The following UNC13C variants were observed in gnomAD, a reference collection of about 807,000 sequenced individuals.
UNC13C encodes unc-13 homolog C.
UNC13C carries 174 observed loss-of-function variants against 245.4 expected under a neutral mutation model. The observed-to-expected ratio is 0.71, with a 90% CI of 0.63 to 0.80. The LOEUF (loss-of-function observed/expected upper bound fraction) is 0.80. Among genes scored for constraint, UNC13C ranks in the 30% least tolerant of loss-of-function variants. The probability of loss-of-function intolerance (pLI) is 0.00; values close to 1 mark genes in which losing one functional copy is unlikely to be tolerated. For missense variants in UNC13C, 2,829 were observed against 2,602.9 expected, an observed-to-expected ratio of 1.09 and a Z score of -1.89; for synonymous variants, 992 against 895.1, an observed-to-expected ratio of 1.11 and a Z score of -1.93.
chr15:54,166,993 A>G (rs2033184107), intron 4 of UNC13C, among the ~76,000 whole-genome samples: 1 of 152,206 alleles, frequency 6.6e-6, no homozygotes, highest in Admixed American at 6.5e-5. Flanking sequence ...TAAAATTTAC[A>G]TGGAAATATA....
At chr15:54,244,079 T>G (rs1470205100) in intron 7 of UNC13C, among the ~76,000 whole-genome samples, 2 of 152,200 alleles carry the variant, frequency 1.3e-5, no homozygotes, top group African/African-American at 4.8e-5. Context: ...TGGTACTGCC[T>G]AGATTTTCTT....
intron 2 of UNC13C, among the ~76,000 whole-genome samples, chr15:54,139,706 G>T (rs1483464244): frequency 6.6e-6 from 1 of 151,820 alleles, no homozygotes; most frequent in African/African-American, 2.4e-5. Flanking sequence ...TAATTTGTAT[G>T]CATATTTACC....
At chr15:54,178,245 G>A (rs1025521012) in intron 4 of UNC13C, among the ~76,000 whole-genome samples, 1 of 152,056 alleles carries the variant, frequency 6.6e-6, no homozygotes, top group African/African-American at 2.4e-5. Context: ...TTGAAGTGGG[G>A]TGTAGGGAAC....
At chr15:54,368,159 A>G (rs1459079932) in intron 17 of UNC13C, among the ~76,000 whole-genome samples, 2 of 152,034 alleles carry the variant, frequency 1.3e-5, no homozygotes, top group Admixed American at 6.6e-5. Context: ...GTTTCTTACT[A>G]TTGACACTTT....
chr15:54,098,079 G>T (rs892970725), intron 2 of UNC13C, among the ~76,000 whole-genome samples: 1 of 152,226 alleles, frequency 6.6e-6, no homozygotes, highest in African/African-American at 2.4e-5. Context: ...AGTAGTCTCA[G>T]CTGGACAGAG....
chr15:53,918,792 C>T, the UNC13C span, among the ~76,000 whole-genome samples: 1 of 152,192 alleles, frequency 6.6e-6, no homozygotes, highest in Non-Finnish European at 1.5e-5. Flanking sequence ...GAGAGCCTCT[C>T]TCCCCCACAC....
intron 17 of UNC13C, among the ~76,000 whole-genome samples, chr15:54,389,204 A>C (rs117857912): frequency 0.054 from 8,261 of 152,288 alleles, 303 homozygotes; most frequent in Admixed American, 0.11. Flanking sequence ...AGATGGGGGA[A>C]CAGGAAGGGA....
intron 8 of UNC13C, among the ~76,000 whole-genome samples, 177 bp from the exon 9 acceptor site, chr15:54,263,991 C>T (rs74013568): frequency 0.025 from 3,814 of 152,068 alleles, 156 homozygotes; most frequent in African/African-American, 0.088. Context: ...CAAAGGAGTA[C>T]TAGTTGTTGT....
intron 18 of UNC13C, among the ~76,000 whole-genome samples, chr15:54,405,514 A>T (rs1034733663): frequency 1.2e-4 from 18 of 152,172 alleles, no homozygotes; most frequent in African/African-American, 4.3e-4. Flanking sequence ...CTGGGACTAC[A>T]GCATAGAAAA....
chr15:54,423,027 A>G (rs2040683971), intron 19 of UNC13C, among the ~76,000 whole-genome samples: 1 of 151,850 alleles, frequency 6.6e-6, no homozygotes, highest in African/African-American at 2.4e-5. Context: ...TGATAAAGAT[A>G]ACAAATTCTG....
intron 17 of UNC13C, among the ~76,000 whole-genome samples, chr15:54,366,306 G>A (rs1243034110): frequency 6.6e-6 from 1 of 152,074 alleles, no homozygotes; most frequent in East Asian, 1.9e-4. Context: ...GCAGCTTGGG[G>A]TATTTATGTT....
At chr15:54,305,287 T>TG (rs2037696749) in intron 13 of UNC13C, among the ~76,000 whole-genome samples, 1 of 152,024 alleles carries the variant, frequency 6.6e-6, no homozygotes, top group Admixed American at 6.6e-5. Context: ...GATATAGGGG[T>TG]CTATGTCACC....
rs565366853 is a variant in UNC13C, at chr15:54,057,942, C to G, written c.2983+42056C>G. 1.2e-4 allele frequency among the ~76,000 whole-genome samples: 18 copies of G among 152,098 alleles called. 1 individual carries two copies. The highest frequency in any genetic ancestry group is 1.6e-4 in the Non-Finnish European group (11 of 67,978). On this transcript the variant is annotated intron_variant, in intron 2 of 32. Transcript: ENST00000260323. Reference sequence around the variant, plus strand: ...AACAAAGACACAACATACCAGAATCCCTGGGACTCATTCAGAGCAGTGTGT... The same window carrying G: ...AACAAAGACACAACATACCAGAATCGCTGGGACTCATTCAGAGCAGTGTGT...
intron 4 of UNC13C, among the ~76,000 whole-genome samples, chr15:54,208,935 A>G (rs1250591120): frequency 1.3e-5 from 2 of 152,144 alleles, no homozygotes; most frequent in African/African-American, 4.8e-5. Context: ...CCTCTGTGTG[A>G]CGCAAGTCTC....
intron 4 of UNC13C, among the ~76,000 whole-genome samples, chr15:54,190,923 TTATAA>T (rs1275264609): frequency 5.3e-5 from 8 of 152,146 alleles, no homozygotes; most frequent in Non-Finnish European, 1.0e-4. Flanking sequence ...TCTTTTTCAT[TTATAA>T]TATATTTATT....
intron 2 of UNC13C, among the ~76,000 whole-genome samples, chr15:54,038,149 A>G (rs1896669687): frequency 2.8e-5 from 1 of 35,992 alleles, no homozygotes; most frequent in Admixed American, 4.0e-4. Flanking sequence ...TTCCTGAGAC[A>G]GAGTCTGTGT....
chr15:53,958,048 A>T, the UNC13C span, among the ~76,000 whole-genome samples: 4 of 152,268 alleles, frequency 2.6e-5, no homozygotes, highest in Non-Finnish European at 2.9e-5. Flanking sequence ...AGAGGACTTT[A>T]AAAGAGGTAA....
chr15:54,014,248 C>T lies in UNC13C; in HGVS notation c.1345C>T (p.Pro449Ser). The T allele has an allele frequency of 6.2e-7, 1 of 1,613,876 alleles. No homozygotes were observed. The highest frequency in any genetic ancestry group is 1.1e-5 in the South Asian group (1 of 91,070). The change falls in exon 2 of 33, where the codon CCT (proline) becomes TCT (serine). Residue 449 changes from proline to serine, a missense_variant. Physicochemically the swap from Pro to Ser is moderately conservative, Grantham distance 74 (BLOSUM62 -1). Transcript: ENST00000260323. ...AATCAAGAAGAACAATTGGCAGTCA[C>T]CTGATGACAGTGATGAAGATCTTGA... The part of the protein sequence containing the change: ...PKIKKNNWQS[P>S]DDSDEDLESD...
rs1374374088 is a variant in UNC13C, at chr15:54,555,530, C to T, written c.5958+18C>T. ...CCATCAAGGTGAGATTATAATGCTC[C>T]TATATATACATCGAGAGAGGCCCCC... On this transcript the variant is annotated intron_variant, in intron 29 of 32. Coordinates refer to ENST00000260323, the MANE Select transcript of UNC13C (RefSeq NM_001080534.3). 1.3e-6 allele frequency: 2 copies of T among 1,592,146 alleles called. No individual in the cohort carries two copies. Among genetic ancestry groups the T allele is most frequent in the African/African-American group, 2.7e-5 (2 of 74,544 alleles).
Sources: allele counts gnomAD v4.1 joint callset (sites outside exome capture counted in the v4.1 genomes callset), GRCh38; gene constraint gnomAD v4.1.1; transcripts MANE v1.5; gene names NCBI Gene and HGNC (gene_info 2026-07-23, HGNC 2026-07-21).